The following BMPR1A variants were observed in gnomAD, a reference collection of about 807,000 sequenced individuals.
The protein encoded by BMPR1A is bone morphogenetic protein receptor type 1A, also known as bone morphogenetic protein receptor type-1A.
BMPR1A carries 7 observed loss-of-function variants against 66.0 expected under a neutral mutation model. The ratio of observed to expected loss-of-function variants is 0.11; its 90% CI spans 0.06 to 0.20. The LOEUF (loss-of-function observed/expected upper bound fraction) is 0.20. Among genes scored for constraint, BMPR1A ranks in the 10% least tolerant of loss-of-function variants. The pLI is 1.00. For synonymous variants in BMPR1A, 200 were observed against 229.7 expected, an observed-to-expected ratio of 0.87 and a Z score of 1.17; for missense variants, 408 against 669.1, an observed-to-expected ratio of 0.61 and a Z score of 4.31.
At chr10:86,849,602 A>G (rs1842538037) in intron 2 of BMPR1A, among the ~76,000 whole-genome samples, 1 of 152,236 alleles carries the variant, frequency 6.6e-6, no homozygotes, top group African/African-American at 2.4e-5. Flanking sequence ...GGTAGTAAGT[A>G]TAAGCTTCTA....
intron 1 of BMPR1A, among the ~76,000 whole-genome samples, chr10:86,818,268 C>T (rs1194088665): frequency 4.6e-5 from 7 of 152,192 alleles, no homozygotes; most frequent in Non-Finnish European, 1.0e-4. Flanking sequence ...CTGCCCTCCT[C>T]GGCCTCCAAA....
intron 1 of BMPR1A, among the ~76,000 whole-genome samples, chr10:86,831,107 C>G (rs534766594): frequency 6.6e-6 from 1 of 152,198 alleles, no homozygotes; most frequent in African/African-American, 2.4e-5. Flanking sequence ...TGGATAAGAC[C>G]ACATTTTGTT....
rs1354211844 is a variant in BMPR1A, at chr10:86,868,470, A to G, written c.-152-7397A>G. Among the ~76,000 whole-genome samples the G allele has an allele frequency of 5.9e-5, 9 of 152,372 alleles. No homozygotes were observed. In the South Asian group the frequency reaches 1.2e-3, roughly 21 times the overall value. On this transcript the variant is annotated intron_variant, in intron 2 of 12. Transcript: ENST00000372037. ...AAAGATGATATTCTTATGCTAATCC[A>G]GGCCCTGGATAAGGAGCAGAGCAGC...
intron 1 of BMPR1A, among the ~76,000 whole-genome samples, chr10:86,779,789 A>G (rs542349876): frequency 9.1e-4 from 138 of 152,090 alleles, no homozygotes; most frequent in African/African-American, 3.2e-3. Flanking sequence ...TTTTGGAGAG[A>G]TTGGGTCTCG....
At chr10:86,872,044 G>T (rs1842860989) in intron 2 of BMPR1A, among the ~76,000 whole-genome samples, 1 of 152,142 alleles carries the variant, frequency 6.6e-6, no homozygotes, top group Non-Finnish European at 1.5e-5. Flanking sequence ...GATTACAGCA[G>T]CATTTCCCTT....
At chr10:86,870,568 A>G (rs1208182440) in intron 2 of BMPR1A, among the ~76,000 whole-genome samples, 1 of 151,942 alleles carries the variant, frequency 6.6e-6, no homozygotes, top group Non-Finnish European at 1.5e-5. Context: ...GACTACAGGT[A>G]TGCACCACCA....
chr10:86,833,090 A>G (rs574320909), intron 1 of BMPR1A, among the ~76,000 whole-genome samples: 3 of 152,326 alleles, frequency 2.0e-5, no homozygotes, highest in African/African-American at 4.8e-5. Flanking sequence ...AGCCTGGACA[A>G]CAGAGTGAGA....
intron 1 of BMPR1A, among the ~76,000 whole-genome samples, chr10:86,819,342 G>GC (rs1204454217): frequency 2.6e-5 from 4 of 151,562 alleles, no homozygotes; most frequent in African/African-American, 9.7e-5. Context: ...TTTGAGTCTC[G>GC]CTCTGTCTCC....
chr10:86,804,540 A>G (rs183799975), intron 1 of BMPR1A, among the ~76,000 whole-genome samples: 13 of 152,134 alleles, frequency 8.5e-5, no homozygotes, highest in African/African-American at 2.9e-4. Flanking sequence ...GCCACACATG[A>G]TTTTCTTTAT....
At chr10:86,837,117 G>A (rs767783981) in intron 1 of BMPR1A, among the ~76,000 whole-genome samples, 4 of 152,134 alleles carry the variant, frequency 2.6e-5, no homozygotes, top group Admixed American at 6.6e-5. Flanking sequence ...AAAACTTTTA[G>A]CCAAGGAAAC....
chr10:86,789,571 G>T (rs189470461), intron 1 of BMPR1A, among the ~76,000 whole-genome samples: 16 of 152,024 alleles, frequency 1.1e-4, no homozygotes, highest in Admixed American at 9.2e-4. Context: ...AAATTAGCTG[G>T]GTGTGATGGT....
chr10:86,854,865 TC>T (rs1842617599), intron 2 of BMPR1A: 2 of 237,216 alleles, frequency 8.4e-6, no homozygotes, highest in South Asian at 7.9e-5. Context: ...CTGTTGAGAC[TC>T]CCTCCAGGCA....
rs1256011886 is a variant in BMPR1A at position 86,835,264 on chromosome 10, CAG to C, written c.-267-3599_-267-3598del. Among the ~76,000 whole-genome samples, 9 of 128,994 alleles carry C rather than the reference CAG, an allele frequency of 7.0e-5. No homozygotes were observed. The South Asian group carries it at 2.0e-3, about 29-fold the overall frequency. 84.6% of individuals were successfully genotyped at this position (128,994 alleles called of 152,430 possible). On this transcript the variant is annotated intron_variant, in intron 1 of 12. Transcript: ENST00000372037. ...AAGAAAAAAAGAAAAAAAAAAAAAA[CAG>C]AAAAAAAACAAACAAGTGTCCAGGA... is the stretch of plus-strand genomic sequence containing the variant.
rs1847869946 is a variant in BMPR1A, at chr10:86,756,703, G to A, written c.-484G>A. On this transcript the variant is annotated 5_prime_UTR_variant, in exon 1 of 13. Transcript: ENST00000372037. ...GCGAAGGAGAAGGGAGGAGGCAGGA[G>A]CGAGGAGGGAGGAGGGCCAAGGGCG... The A allele has an allele frequency of 6.6e-6, 1 of 152,006 alleles. No individual in the cohort carries two copies. Among genetic ancestry groups the A allele is most frequent in the South Asian group, 2.1e-4 (1 of 4,842 alleles). The allele number at this position is 152,006 out of a possible 1,614,324, so 9.4% of individuals were successfully genotyped here.
chr10:86,786,773 A>C (rs1461893259), intron 1 of BMPR1A, among the ~76,000 whole-genome samples: 1 of 152,210 alleles, frequency 6.6e-6, no homozygotes, highest in African/African-American at 2.4e-5. Context: ...CTAATAGGCA[A>C]ATGAAATGCA....
chr10:86,815,373 TGTGA>T (rs1462417954), intron 1 of BMPR1A, among the ~76,000 whole-genome samples: 3 of 152,142 alleles, frequency 2.0e-5, no homozygotes, highest in Non-Finnish European at 1.5e-5. Flanking sequence ...TTTTTTTCTG[TGTGA>T]GTGAGGCTGT....
chr10:86,773,420 G>A (rs1029104140), intron 1 of BMPR1A, among the ~76,000 whole-genome samples: 11 of 151,788 alleles, frequency 7.2e-5, no homozygotes, highest in Admixed American at 5.2e-4. Context: ...GTGGAACCCT[G>A]TCTCTACTAA....
At chr10:86,847,970 C>T (rs1286278119) in intron 2 of BMPR1A, among the ~76,000 whole-genome samples, 22 of 150,572 alleles carry the variant, frequency 1.5e-4, no homozygotes, top group Non-Finnish European at 3.1e-4. Context: ...CTCCATCTGT[C>T]GCCCAAGTTG....
At chr10:86,807,193 A>G (rs1189646020) in intron 1 of BMPR1A, among the ~76,000 whole-genome samples, 3 of 152,194 alleles carry the variant, frequency 2.0e-5, no homozygotes, top group Non-Finnish European at 1.5e-5. Flanking sequence ...ATTATTTTTT[A>G]ACATACTATC....
Sources: gnomAD v4.1 joint callset for allele counts (sites outside exome capture counted in the v4.1 genomes callset) on GRCh38, gnomAD v4.1.1 for gene constraint, MANE v1.5 for transcripts, NCBI Gene and HGNC (gene_info 2026-07-23, HGNC 2026-07-21) for gene names.